The following LRRC1 variants were observed in gnomAD, a reference collection of about 807,000 sequenced individuals.
LRRC1 encodes leucine-rich repeat-containing protein 1.
Under a neutral mutation model 69.9 loss-of-function variants are expected in LRRC1, and 28 were observed. The observed-to-expected ratio is 0.40, with a 90% confidence interval of 0.30 to 0.55. The LOEUF (loss-of-function observed/expected upper bound fraction) is 0.55, where lower values mean the gene tolerates loss of function less well. LRRC1 is among the 20% of genes least tolerant of loss of function. The probability of loss-of-function intolerance (pLI) is 0.47; values close to 1 mark genes in which losing one functional copy is unlikely to be tolerated. For missense variants in LRRC1, 498 were observed against 609.0 expected, an observed-to-expected ratio of 0.82 and a Z score of 1.92; for synonymous variants, 236 against 240.2, an observed-to-expected ratio of 0.98 and a Z score of 0.16.
At chr6:53,812,036 G>A (rs953980668) in intron 1 of LRRC1, among the ~76,000 whole-genome samples, 5 of 152,258 alleles carry the variant, frequency 3.3e-5, no homozygotes, top group African/African-American at 1.2e-4. Context: ...AGAGGGCATT[G>A]CATGCACAGG....
In LRRC1 at chr6:53,920,703, A is replaced by G; in HGVS notation, c.1358A>G (p.Asn453Ser). The G allele has an allele frequency of 1.9e-6, 3 of 1,614,154 alleles. No homozygotes were observed. The highest frequency in any genetic ancestry group is 2.5e-6 in the Non-Finnish European group (3 of 1,179,996). Reference sequence around the variant, plus strand: ...GAAGCCTGGAACGAGCGTGCTGTCAACAGAGTCAGTGCGATCCGATTTGTG... The same window carrying G: ...GAAGCCTGGAACGAGCGTGCTGTCAGCAGAGTCAGTGCGATCCGATTTGTG... ...SDEAWNERAV[N>S]RVSAIRFVED... The change falls in exon 13 of 14, where the codon AAC becomes AGC. Residue 453 changes from asparagine to serine, a missense_variant. Around this residue, in one of 3 missense-constraint regions of LRRC1, gnomAD observed 162 missense variants for 162.9 expected, o/e 0.99. Transcript: ENST00000370888.
At chr6:53,877,496 A>G (rs897432436) in intron 2 of LRRC1, among the ~76,000 whole-genome samples, 2 of 152,192 alleles carry the variant, frequency 1.3e-5, no homozygotes, top group African/African-American at 2.4e-5. Flanking sequence ...AAATTTCCCA[A>G]ATTTTATGCT....
At chr6:53,897,859 T>C (rs1581908436) in intron 7 of LRRC1, among the ~76,000 whole-genome samples, 2 of 152,308 alleles carry the variant, frequency 1.3e-5, no homozygotes, top group Non-Finnish European at 2.9e-5. Flanking sequence ...CCTACTGTTC[T>C]CAAGTGGAAG....
At chr6:53,833,058 T>C (rs1765475360) in intron 1 of LRRC1, among the ~76,000 whole-genome samples, 1 of 152,176 alleles carries the variant, frequency 6.6e-6, no homozygotes, top group African/African-American at 2.4e-5. Context: ...CTTTTTTCTC[T>C]CCTCATAGTT....
rs892734121 is a variant in LRRC1 at position 53,846,627 on chromosome 6, GA to G, written c.277+4409del. On this transcript the variant is annotated intron_variant, in intron 2 of 13. Transcript: ENST00000370888. ...AGGCAAATGTCTAAAACATATATGA[GA>G]AAAAAAAACTAGGTGTTTCCCCTGA... is the stretch of plus-strand genomic sequence containing the variant. 1.8e-4 allele frequency among the ~76,000 whole-genome samples: 27 copies of G among 151,278 alleles called. No homozygotes were observed. In the South Asian group the frequency reaches 4.6e-3, roughly 26 times the overall value.
Position 53,805,632 on chromosome 6 carries a change from G to C in LRRC1, c.159+10217G>C, listed in dbSNP as rs1335784912. Among the ~76,000 whole-genome samples the C allele has an allele frequency of 2.0e-5, 3 of 152,142 alleles. 1 individual carries two copies. Among genetic ancestry groups the C allele is most frequent in the Admixed American group, 2.0e-4 (3 of 15,270 alleles). On this transcript the variant is annotated intron_variant, in intron 1 of 13. Coordinates refer to ENST00000370888, the MANE Select transcript of LRRC1 (RefSeq NM_018214.5). ...CAGTTTATTCATCTGTAAAAAGAAGGTAATAATAGTCCCTACCTCATGAAG... is the reference window on the plus strand; with the variant it reads ...CAGTTTATTCATCTGTAAAAAGAAGCTAATAATAGTCCCTACCTCATGAAG...
At chr6:53,917,368 G>T (rs1768599963) in intron 11 of LRRC1, among the ~76,000 whole-genome samples, 2 of 152,148 alleles carry the variant, frequency 1.3e-5, no homozygotes, top group Non-Finnish European at 2.9e-5. Flanking sequence ...ATTCAAGTTG[G>T]CACTTTGATT....
At chr6:53,846,412 A>G (rs1363571184) in intron 2 of LRRC1, among the ~76,000 whole-genome samples, 1 of 152,230 alleles carries the variant, frequency 6.6e-6, no homozygotes, top group African/African-American at 2.4e-5. Context: ...TGCTCAGCAG[A>G]GAGGACCCTG....
At chr6:53,827,493 A>G (rs1331137190) in intron 1 of LRRC1, among the ~76,000 whole-genome samples, 1 of 152,166 alleles carries the variant, frequency 6.6e-6, no homozygotes, top group Non-Finnish European at 1.5e-5. Flanking sequence ...GCGTTGGAGA[A>G]TCACCTTAAT....
chr6:53,827,312 A>C (rs1354593591), intron 1 of LRRC1, among the ~76,000 whole-genome samples: 3 of 145,116 alleles, frequency 2.1e-5, no homozygotes, highest in Non-Finnish European at 4.5e-5. Context: ...CACTTCCACA[A>C]AAAAAAAAAA....
At chr6:53,906,499 G>C (rs982482767) in intron 10 of LRRC1, among the ~76,000 whole-genome samples, 6 of 152,198 alleles carry the variant, frequency 3.9e-5, no homozygotes, top group Admixed American at 3.3e-4. Context: ...CTGATCCCCT[G>C]ACTCTCTTTC....
intron 1 of LRRC1, among the ~76,000 whole-genome samples, chr6:53,814,287 A>T (rs1191180676): frequency 6.6e-6 from 1 of 152,236 alleles, no homozygotes; most frequent in African/African-American, 2.4e-5. Flanking sequence ...TTTAAAAAAA[A>T]TTAGCAGATA....
chr6:53,834,782 G>T (rs1165300544), intron 1 of LRRC1, among the ~76,000 whole-genome samples: 3 of 152,102 alleles, frequency 2.0e-5, no homozygotes, highest in African/African-American at 7.2e-5. Context: ...GGCCATCCTG[G>T]CTAACATGGT....
intron 1 of LRRC1, among the ~76,000 whole-genome samples, chr6:53,814,668 A>G (rs1427655621): frequency 6.6e-6 from 1 of 152,186 alleles, no homozygotes; most frequent in African/African-American, 2.4e-5. Context: ...TTGCTTCCAG[A>G]CATGCTATAT....
intron 12 of LRRC1, 114 bp from the exon 13 acceptor site, chr6:53,920,511 G>C: frequency 9.2e-7 from 1 of 1,088,790 alleles, no homozygotes. Flanking sequence ...CCTTATTTCT[G>C]GTGTTCTACC....
At chr6:53,911,929 C>T (rs544364118) in intron 10 of LRRC1, among the ~76,000 whole-genome samples, 1 of 152,206 alleles carries the variant, frequency 6.6e-6, no homozygotes, top group African/African-American at 2.4e-5. Context: ...ATGGGAAATC[C>T]ACACTATATT....
At chr6:53,921,331 T>G (rs1438922349) in intron 13 of LRRC1, among the ~76,000 whole-genome samples, 1 of 152,160 alleles carries the variant, frequency 6.6e-6, no homozygotes, top group Non-Finnish European at 1.5e-5. Context: ...TAGTTTCCCC[T>G]CCCACTCCCA....
intron 1 of LRRC1, among the ~76,000 whole-genome samples, chr6:53,833,053 T>C (rs1765475164): frequency 6.6e-6 from 1 of 152,168 alleles, no homozygotes; most frequent in African/African-American, 2.4e-5. Flanking sequence ...GATATCTTTT[T>C]TCTCTCCTCA....
intron 2 of LRRC1, among the ~76,000 whole-genome samples, chr6:53,867,918 A>C (rs532931929): frequency 6.6e-6 from 1 of 151,374 alleles, no homozygotes; most frequent in East Asian, 2.0e-4. Flanking sequence ...GCGCCACTGC[A>C]TTCTAGCCTG....
Sources: allele counts gnomAD v4.1 joint callset (sites outside exome capture counted in the v4.1 genomes callset), GRCh38; gene constraint gnomAD v4.1.1; regional missense constraint gnomAD v4.1.1; transcripts MANE v1.5; gene names NCBI Gene and HGNC (gene_info 2026-07-23, HGNC 2026-07-21).